ACYP2: variants seen among roughly 807,000 people sequenced by gnomAD.
The protein encoded by ACYP2 is acylphosphatase 2, also known as acylphosphatase-2.
A neutral mutation model predicts 11.2 loss-of-function variants in ACYP2; 12 were observed. The ratio of observed to expected loss-of-function variants is 1.08; its 90% confidence interval spans 0.69 to 1.74. ACYP2 has a LOEUF of 1.74. Ranked by LOEUF, ACYP2 falls within the 40% of genes most tolerant of loss-of-function variation. The pLI is 0.00. For synonymous variants in ACYP2, 43 were observed against 32.2 expected (o/e 1.33, Z -1.13); for missense variants, 134 against 101.9 (o/e 1.31, Z -1.35).
At chr2:54,181,747 C>G (rs1017597577) in intron 6 of ACYP2, among the ~76,000 whole-genome samples, 7 of 152,162 alleles carry the variant, frequency 4.6e-5, no homozygotes, top group African/African-American at 9.7e-5. Flanking sequence ...AGTATCCCTG[C>G]CTGGTCAGGG....
chr2:54,195,794 G>GTTTTTGTTTTTTTTTT (rs1442057879), intron 6 of ACYP2, among the ~76,000 whole-genome samples: 2 of 83,144 alleles, frequency 2.4e-5, no homozygotes, highest in Non-Finnish European at 4.4e-5. Context: ...TTTGTTGTGG[G>GTTTTTGTTTTTTTTTT]TTTTTTTTTT....
intron 6 of ACYP2, among the ~76,000 whole-genome samples, chr2:54,277,230 A>G (rs896231304): frequency 1.3e-5 from 2 of 152,228 alleles, no homozygotes; most frequent in African/African-American, 4.8e-5. Flanking sequence ...ACAAAAATTC[A>G]GAAGGACCAA....
chr2:54,116,894 C>T (rs1381228013), intron 4 of ACYP2, among the ~76,000 whole-genome samples: 7 of 151,972 alleles, frequency 4.6e-5, no homozygotes, highest in African/African-American at 1.7e-4. Flanking sequence ...GCTCAAGTGG[C>T]GGGGTGAATA....
At chr2:54,163,586 G>T (rs953942478) in intron 6 of ACYP2, among the ~76,000 whole-genome samples, 4 of 152,214 alleles carry the variant, frequency 2.6e-5, no homozygotes, top group Admixed American at 6.5e-5. Flanking sequence ...TGGGGGCGGT[G>T]GCTCACGCCC....
intron 4 of ACYP2, among the ~76,000 whole-genome samples, chr2:54,117,772 T>A (rs2112126): frequency 0.068 from 10,345 of 152,186 alleles, 512 homozygotes; most frequent in East Asian, 0.29. Flanking sequence ...AATTTAATTT[T>A]ATTTTTATTT....
intron 2 of ACYP2, among the ~76,000 whole-genome samples, chr2:54,036,716 A>G (rs1674921082): frequency 6.6e-6 from 1 of 152,230 alleles, no homozygotes; most frequent in Admixed American, 6.5e-5. Context: ...AAATTAGGCA[A>G]GCAAGAAAAT....
intron 6 of ACYP2, among the ~76,000 whole-genome samples, chr2:54,276,897 C>T (rs547167815): frequency 2.0e-5 from 3 of 152,258 alleles, no homozygotes; most frequent in African/African-American, 7.2e-5. Flanking sequence ...TCCGCTACAT[C>T]CTGTTTTGCA....
intron 6 of ACYP2, among the ~76,000 whole-genome samples, chr2:54,220,529 T>A (rs951488701): frequency 6.6e-6 from 1 of 152,206 alleles, no homozygotes; most frequent in Non-Finnish European, 1.5e-5. Flanking sequence ...ATGAATTTTT[T>A]AAAATGACAG....
intron 6 of ACYP2, among the ~76,000 whole-genome samples, chr2:54,190,308 C>T (rs113453513): frequency 1.3e-5 from 2 of 152,180 alleles, no homozygotes; most frequent in African/African-American, 4.8e-5. Flanking sequence ...AACCCCAATC[C>T]ACTTTCCAGA....
At position 54,304,938 on chromosome 2, in the gene ACYP2, A is replaced by T. The variant is rs184679426; in HGVS notation, c.*136A>T. 252 of 427,828 alleles carry T rather than the reference A, an allele frequency of 5.9e-4. 1 individual carries two copies. The East Asian group carries it at 8.4e-3, about 14-fold the overall frequency. 26.5% of individuals were successfully genotyped at this position (427,828 alleles called of 1,614,324 possible). On this transcript the variant is annotated 3_prime_UTR_variant, in exon 7 of 7. Transcript: ENST00000607452. ...AAGCTAAGCGACTGTACGTGCTACT[A>T]AAAATGTCTGACACTGAAATAATTT... is the stretch of plus-strand genomic sequence containing the variant.
chr2:54,249,076 G>A (rs558757059), intron 6 of ACYP2, among the ~76,000 whole-genome samples: 1 of 152,196 alleles, frequency 6.6e-6, no homozygotes, highest in Admixed American at 6.5e-5. Flanking sequence ...AGCTGATCTT[G>A]GATGCAGTAG....
chr2:54,032,738 A>C (rs547666772), intron 2 of ACYP2, among the ~76,000 whole-genome samples: 1 of 152,322 alleles, frequency 6.6e-6, no homozygotes, highest in East Asian at 1.9e-4. Flanking sequence ...CAAAGAGAAT[A>C]AAATACCTAG....
chr2:54,173,125 G>C (rs979226669), intron 6 of ACYP2, among the ~76,000 whole-genome samples: 4 of 152,204 alleles, frequency 2.6e-5, no homozygotes, highest in African/African-American at 7.2e-5. Flanking sequence ...TTGCCACACT[G>C]TCTTCCACAA....
intron 4 of ACYP2, among the ~76,000 whole-genome samples, chr2:54,095,703 C>T (rs1317662908): frequency 2.3e-5 from 3 of 130,944 alleles, no homozygotes; most frequent in South Asian, 2.6e-4. Flanking sequence ...GCTGGCCGGG[C>T]AGAGGGGCTC....
At chr2:54,195,263 A>G (rs1684413906) in intron 6 of ACYP2, among the ~76,000 whole-genome samples, 1 of 152,188 alleles carries the variant, frequency 6.6e-6, no homozygotes, top group South Asian at 2.1e-4. Flanking sequence ...ACCTAGCTTC[A>G]TGGACCTCCG....
intron 6 of ACYP2, among the ~76,000 whole-genome samples, chr2:54,291,734 C>A (rs1393171784): frequency 6.6e-6 from 1 of 152,126 alleles, no homozygotes; most frequent in Non-Finnish European, 1.5e-5. Flanking sequence ...TCTGGTGGTG[C>A]CTTCCTGATA....
intron 6 of ACYP2, among the ~76,000 whole-genome samples, chr2:54,208,874 T>C (rs1291834664): frequency 2.6e-5 from 4 of 152,186 alleles, no homozygotes; most frequent in Non-Finnish European, 5.9e-5. Flanking sequence ...TGTGTGTGTG[T>C]GTGCATATAT....
chr2:54,094,787 C>T (rs1490927140), intron 4 of ACYP2, among the ~76,000 whole-genome samples: 1 of 152,090 alleles, frequency 6.6e-6, no homozygotes, highest in Non-Finnish European at 1.5e-5. Flanking sequence ...ATCCGCCCAC[C>T]TCAGTCTCCC....
chr2:54,082,590 A>G (rs1458885875), intron 4 of ACYP2: 2 of 152,226 alleles, frequency 1.3e-5, no homozygotes, highest in Non-Finnish European at 2.9e-5. Flanking sequence ...AAAATAAGAT[A>G]ACTTTCCTCC....
Sources: allele counts gnomAD v4.1 joint callset (sites outside exome capture counted in the v4.1 genomes callset), GRCh38; gene constraint gnomAD v4.1.1; transcripts MANE v1.5; gene names NCBI Gene and HGNC (gene_info 2026-07-23, HGNC 2026-07-21).